Variants in NDUFA10 observed in about 807,000 individuals in gnomAD.
NDUFA10 encodes the protein NADH:ubiquinone oxidoreductase subunit A10, also known as NADH dehydrogenase [ubiquinone] 1 alpha subcomplex subunit 10, mitochondrial.
In NDUFA10, 40 loss-of-function variants were observed where a neutral mutation model predicts 47.8. The observed-to-expected ratio is 0.84, with a 90% CI of 0.65 to 1.09. NDUFA10 has a LOEUF of 1.09. NDUFA10 is among the 50% of genes least tolerant of loss of function. NDUFA10 has a pLI of 0.00. For synonymous variants in NDUFA10, 183 were observed against 172.2 expected, an observed-to-expected ratio of 1.06 and a Z score of -0.49; for missense variants, 413 against 451.1, an observed-to-expected ratio of 0.92 and a Z score of 0.76.
In NDUFA10 at chr2:240,003,923, A is replaced by G. The variant is rs565938460; in HGVS notation, c.890+1287T>C. ...ACACTGCAAGAGGCAGCCGAGGGAT[A>G]TTTGCTGGGTGTGCAGGGTAAAGGT... On this transcript the variant is annotated intron_variant, in intron 8 of 9. Transcript: ENST00000252711. Among the ~76,000 whole-genome samples the G allele has an allele frequency of 2.0e-5, 3 of 152,276 alleles. No homozygotes were observed. In the South Asian group the frequency reaches 6.2e-4, roughly 32 times the overall value.
chr2:240,017,678 T>A lies in NDUFA10; in HGVS notation c.547+875A>T, dbSNP rs1574895658. 12 of 676,008 alleles carry A rather than the reference T, an allele frequency of 1.8e-5. No homozygotes were observed. The South Asian group carries it at 2.0e-4, about 11-fold the overall frequency. The allele number at this position is 676,008 out of a possible 1,614,324, so 41.9% of individuals were successfully genotyped here. A position where few individuals can be genotyped will look rare whatever the true frequency, so the allele number is the denominator to read the frequency against. On this transcript the variant is annotated intron_variant, in intron 4 of 9. Coordinates refer to ENST00000252711, the MANE Select transcript of NDUFA10 (RefSeq NM_004544.4). Reference sequence around the variant, plus strand: ...TGGTGACCTGACCCGCTGCTCAGCATGTCCAGGGAGGATCAGCCCCTATCA... The same window carrying A: ...TGGTGACCTGACCCGCTGCTCAGCAAGTCCAGGGAGGATCAGCCCCTATCA...
In NDUFA10 at chr2:239,990,269, C is replaced by G. The variant is rs1017549283; in HGVS notation, c.891-87G>C. 6.5e-6 allele frequency: 7 copies of G among 1,073,450 alleles called. No individual in the cohort carries two copies. In the African/African-American group the frequency reaches 1.1e-4, roughly 17 times the overall value. The allele number at this position is 1,073,450 out of a possible 1,614,324, so 66.5% of individuals were successfully genotyped here. A position where few individuals can be genotyped will look rare whatever the true frequency, so the allele number is the denominator to read the frequency against. On this transcript the variant is annotated intron_variant, in intron 8 of 9. Transcript: ENST00000252711. ...GTAAGTCCGATTTTTTTTAAACATC[C>G]ATATAAAAAATCTATATATCCCAAT... is the stretch of plus-strand genomic sequence containing the variant.
chr2:240,002,012 C>T (rs1005129133), intron 8 of NDUFA10, among the ~76,000 whole-genome samples: 11 of 152,148 alleles, frequency 7.2e-5, no homozygotes, highest in Non-Finnish European at 1.3e-4. Flanking sequence ...TTGTGCTTTA[C>T]TTCCATCTCC....
At chr2:239,950,907 C>T (rs761180048) in intron 4 of NDUFA10, among the ~76,000 whole-genome samples, 7 of 152,228 alleles carry the variant, frequency 4.6e-5, no homozygotes, top group Non-Finnish European at 1.0e-4. Context: ...CCACTGCTCC[C>T]ATGACTGCTT....
intron 4 of NDUFA10, among the ~76,000 whole-genome samples, chr2:239,920,841 C>T (rs946772892): frequency 8.5e-5 from 13 of 152,086 alleles, no homozygotes; most frequent in East Asian, 3.9e-4. Context: ...TCCTAGAAGG[C>T]GGAGGGGTGG....
intron 9 of NDUFA10, among the ~76,000 whole-genome samples, chr2:239,981,594 C>A (rs1414865769): frequency 6.6e-6 from 1 of 152,170 alleles, no homozygotes; most frequent in Non-Finnish European, 1.5e-5. Context: ...AGACTATAAT[C>A]CTTAATCTAA....
intron 4 of NDUFA10, among the ~76,000 whole-genome samples, chr2:239,948,336 G>T (rs1053572996): frequency 2.0e-5 from 3 of 152,216 alleles, no homozygotes; most frequent in African/African-American, 7.2e-5. Flanking sequence ...GGCTCCCTGT[G>T]GTCTCATTCA....
At chr2:240,024,813 G>A (rs1314719819) in intron 1 of NDUFA10, among the ~76,000 whole-genome samples, 1 of 152,200 alleles carries the variant, frequency 6.6e-6, no homozygotes, top group Non-Finnish European at 1.5e-5. Flanking sequence ...CACAAGCACT[G>A]AACTCCGTGT....
chr2:239,934,093 G>A (rs62181321), intron 4 of NDUFA10, among the ~76,000 whole-genome samples: 62,190 of 151,912 alleles, frequency 0.41, 12,740 homozygotes, highest in Middle Eastern at 0.47. Flanking sequence ...TTGGCCCCAG[G>A]CGATCCTCCT....
chr2:239,974,673 T>C (rs4854063), intron 9 of NDUFA10, among the ~76,000 whole-genome samples: 59,870 of 151,990 alleles, frequency 0.39, 12,166 homozygotes, highest in East Asian at 0.48. Context: ...TTTAAAAATA[T>C]GTGACACTCT....
rs201072780 is a variant in NDUFA10 at position 239,989,038 on chromosome 2, C to T, written c.999+1036G>A. ...GGACAGATAAGGGAGAAACAGCACG[C>T]GCACTCACACAAGTATACAAGGACA... On this transcript the variant is annotated intron_variant, in intron 9 of 9. Coordinates refer to ENST00000252711, the MANE Select transcript of NDUFA10 (RefSeq NM_004544.4). Among the ~76,000 whole-genome samples, 11 of 150,676 alleles carry T rather than the reference C, an allele frequency of 7.3e-5. 1 individual carries two copies. The highest frequency in any genetic ancestry group is 2.0e-4 in the East Asian group (1 of 5,056).
intron 5 of NDUFA10, among the ~76,000 whole-genome samples, chr2:239,893,368 A>C (rs4289227): frequency 6.6e-6 from 1 of 152,220 alleles, no homozygotes; most frequent in Non-Finnish European, 1.5e-5. Context: ...CTGTGCCAAT[A>C]CGGCAGCCCT....
intron 4 of NDUFA10, among the ~76,000 whole-genome samples, chr2:239,905,515 G>A (rs1574767780): frequency 1.3e-5 from 2 of 152,252 alleles, no homozygotes; most frequent in African/African-American, 4.8e-5. Context: ...GAGGCCAACA[G>A]CACCTGCTGT....
At chr2:239,892,840 G>T (rs1397156253) in intron 5 of NDUFA10, 2 of 152,308 alleles carry the variant, frequency 1.3e-5, no homozygotes, top group Non-Finnish European at 2.9e-5. Flanking sequence ...GTTGAGTCAG[G>T]TTTATCCCAG....
At chr2:239,974,118 A>C (rs1016740599) in intron 9 of NDUFA10, among the ~76,000 whole-genome samples, 6 of 152,132 alleles carry the variant, frequency 3.9e-5, no homozygotes, top group African/African-American at 1.4e-4. Context: ...AGGAAGAGAC[A>C]GGGTTTCTCC....
intron 7 of NDUFA10, 76 bp from the exon 8 acceptor site, chr2:240,005,371 C>A: frequency 8.4e-7 from 1 of 1,190,412 alleles, no homozygotes; most frequent in Non-Finnish European, 1.2e-6. Flanking sequence ...TTTTTTGAGA[C>A]AGGGTCCGGC....
chr2:239,950,743 G>A (rs1268540785), intron 4 of NDUFA10, among the ~76,000 whole-genome samples: 5 of 152,196 alleles, frequency 3.3e-5, no homozygotes, highest in Non-Finnish European at 7.3e-5. Context: ...GCAGCCGCAC[G>A]CCTGTCTGTC....
chr2:239,969,898 G>A (rs942368667), intron 9 of NDUFA10: 7 of 402,286 alleles, frequency 1.7e-5, no homozygotes, highest in South Asian at 5.5e-5. Flanking sequence ...AGAGTCACAG[G>A]GACCTGTGGA....
downstream of NDUFA10, among the ~76,000 whole-genome samples, chr2:239,955,082 A>G (rs138516759): frequency 6.6e-6 from 1 of 152,172 alleles, no homozygotes; most frequent in Non-Finnish European, 1.5e-5. Context: ...GGCACATACC[A>G]TGTTCTTCTC....
Sources: allele counts gnomAD v4.1 joint callset (sites outside exome capture counted in the v4.1 genomes callset), GRCh38; gene constraint gnomAD v4.1.1; transcripts MANE v1.5; gene names NCBI Gene and HGNC (gene_info 2026-07-23, HGNC 2026-07-21).